The following TPTE2 variants were observed in gnomAD, a reference collection of about 807,000 sequenced individuals.
The protein encoded by TPTE2 is phosphatidylinositol 3,4,5-trisphosphate 3-phosphatase TPTE2.
Under a neutral mutation model 78.6 loss-of-function variants are expected in TPTE2, and 53 were observed. The ratio of observed to expected loss-of-function variants is 0.67; its 90% CI spans 0.54 to 0.85. TPTE2 has a LOEUF of 0.85. Ranked by LOEUF, TPTE2 falls within the 40% of genes least tolerant of loss-of-function variation. The pLI, the probability that TPTE2 is intolerant of heterozygous loss-of-function variation, is 0.00. For synonymous variants in TPTE2, 175 were observed against 206.2 expected, an observed-to-expected ratio of 0.85 and a Z score of 1.30; for missense variants, 461 against 623.0, an observed-to-expected ratio of 0.74 and a Z score of 2.77.
chr13:19,439,786 A>G (rs1877367302), intron 13 of TPTE2, among the ~76,000 whole-genome samples: 1 of 152,228 alleles, frequency 6.6e-6, no homozygotes. Flanking sequence ...AACTAAAAAA[A>G]TTCACTTAAG....
At chr13:19,551,922 T>C in the TPTE2 span, among the ~76,000 whole-genome samples, 1 of 152,174 alleles carries the variant, frequency 6.6e-6, no homozygotes, top group Admixed American at 6.6e-5. Flanking sequence ...TTCTATAAAT[T>C]GAATTAAAAT....
At chr13:19,443,909 T>C (rs1345252409) in intron 13 of TPTE2, among the ~76,000 whole-genome samples, 1 of 152,116 alleles carries the variant, frequency 6.6e-6, no homozygotes. Context: ...GGGAGATAAA[T>C]GACTGAAATG....
At chr13:19,457,347 G>A (rs1878599854) in intron 10 of TPTE2, among the ~76,000 whole-genome samples, 1 of 152,182 alleles carries the variant, frequency 6.6e-6, no homozygotes, top group Non-Finnish European at 1.5e-5. Context: ...CAGGGCATAT[G>A]TATATACAGA....
intron 10 of TPTE2, among the ~76,000 whole-genome samples, chr13:19,460,304 G>T (rs943407478): frequency 3.6e-4 from 55 of 152,334 alleles, no homozygotes; most frequent in African/African-American, 1.2e-3. Context: ...TGGGAGTCGG[G>T]TTTCCTTTGG....
chr13:19,502,257 A>G (rs1190078615), intron 1 of TPTE2, among the ~76,000 whole-genome samples: 1 of 147,998 alleles, frequency 6.8e-6, no homozygotes, highest in Non-Finnish European at 1.5e-5. Flanking sequence ...TCAGGGATCT[A>G]GAACTGGAAA....
chr13:19,555,856 A>G, the TPTE2 span, among the ~76,000 whole-genome samples: 2 of 120,236 alleles, frequency 1.7e-5, no homozygotes, highest in African/African-American at 6.9e-5. Flanking sequence ...GCTCGTTGCC[A>G]TGCTGGAGTG....
At chr13:19,543,118 C>T in the TPTE2 span, among the ~76,000 whole-genome samples, 1 of 151,296 alleles carries the variant, frequency 6.6e-6, no homozygotes, top group Non-Finnish European at 1.5e-5. Flanking sequence ...AGTGCAGTGG[C>T]GTGATCTCAG....
Position 19,535,455 on chromosome 13 carries a change from A to G in TPTE2, c.-44+1141T>C, listed in dbSNP as rs907970647. ...AAATGTCTTATTTTTTAAAACACCA[A>G]TGGTCATCCCCTAAGAGGGTAAATG... is the stretch of plus-strand genomic sequence containing the variant. On this transcript the variant is annotated intron_variant, in intron 1 of 17. Transcript: ENST00000390680. This position sits in a 1 kb window ranked among gnomAD's most constrained non-coding sequence, Gnocchi z 5.1. 4.0e-5 allele frequency among the ~76,000 whole-genome samples: 6 copies of G among 151,812 alleles called. No individual in the cohort carries two copies. Among genetic ancestry groups the G allele is most frequent in the South Asian group, 2.1e-4 (1 of 4,826 alleles).
At chr13:19,426,747 C>G (rs1410722806) in intron 17 of TPTE2, among the ~76,000 whole-genome samples, 1 of 152,176 alleles carries the variant, frequency 6.6e-6, no homozygotes, top group African/African-American at 2.4e-5. Flanking sequence ...CACTGTCACC[C>G]AGGCTGGAGT....
chr13:19,519,273 G>C (rs899097710), intron 1 of TPTE2, among the ~76,000 whole-genome samples: 1 of 151,990 alleles, frequency 6.6e-6, no homozygotes, highest in African/African-American at 2.4e-5. Flanking sequence ...GTCTGACATA[G>C]GGGAAAACCA....
At chr13:19,442,335 G>A (rs1338943829) in intron 13 of TPTE2, among the ~76,000 whole-genome samples, 1 of 151,410 alleles carries the variant, frequency 6.6e-6, no homozygotes, top group Non-Finnish European at 1.5e-5. Context: ...CATAACTCAT[G>A]GGTCAAAAAA....
intron 15 of TPTE2, 29 bp downstream of exon 18, chr13:19,436,197 A>G: frequency 6.3e-7 from 1 of 1,584,900 alleles, no homozygotes; most frequent in Non-Finnish European, 8.6e-7. Flanking sequence ...TCCCCTAAAA[A>G]AACTCCCATT....
intron 13 of TPTE2, among the ~76,000 whole-genome samples, chr13:19,448,866 T>C (rs1025296357): frequency 2.6e-5 from 4 of 152,234 alleles, no homozygotes; most frequent in African/African-American, 9.6e-5. Flanking sequence ...GCATTATTCA[T>C]AATACCCAAG....
chr13:19,458,565 T>C, intron 10 of TPTE2: 1 of 413,456 alleles, frequency 2.4e-6, no homozygotes, highest in South Asian at 1.8e-5. Context: ...TTCTTATCAG[T>C]CTCTGTGTAA....
chr13:19,437,007 T>G (rs1009081113), intron 14 of TPTE2, among the ~76,000 whole-genome samples: 1 of 149,806 alleles, frequency 6.7e-6, no homozygotes, highest in Non-Finnish European at 1.5e-5. Context: ...TTTTGTTTTT[T>G]AAGCTGCAAT....
chr13:19,527,139 C>T (rs1405490806), intron 1 of TPTE2, among the ~76,000 whole-genome samples: 2 of 152,080 alleles, frequency 1.3e-5, no homozygotes, highest in African/African-American at 4.8e-5. Context: ...AACCGCATCT[C>T]TACAAAAATA....
intron 1 of TPTE2, among the ~76,000 whole-genome samples, chr13:19,497,532 A>T (rs1177844414): frequency 1.3e-5 from 1 of 77,732 alleles, no homozygotes; most frequent in Non-Finnish European, 3.5e-5. Flanking sequence ...ACCCCCCAGC[A>T]GGGGCACACT....
intron 1 of TPTE2, among the ~76,000 whole-genome samples, chr13:19,502,822 AAAAT>A: frequency 1.3e-5 from 2 of 151,976 alleles, no homozygotes; most frequent in Middle Eastern, 3.4e-3. Flanking sequence ...AATAAAAATA[AAAAT>A]AAATCTCTCT....
intron 10 of TPTE2, chr13:19,458,801 T>TTA (rs1342630488): frequency 2.8e-6 from 1 of 353,828 alleles, no homozygotes; most frequent in Non-Finnish European, 5.7e-6. Context: ...CATATTTTCT[T>TTA]TATCCAATCT....
Sources: gnomAD v4.1 joint callset for allele counts (sites outside exome capture counted in the v4.1 genomes callset) on GRCh38, gnomAD v4.1.1 for gene constraint, Gnocchi (gnomAD v3.1) non-coding constraint, MANE v1.5 for transcripts, NCBI Gene and HGNC (gene_info 2026-07-23, HGNC 2026-07-21) for gene names.